DIAPH2: variants seen among roughly 807,000 people sequenced by gnomAD.
DIAPH2 encodes the protein diaphanous related formin 2, also known as protein diaphanous homolog 2.
A neutral mutation model predicts 92.7 loss-of-function variants in DIAPH2; 35 were observed. The observed-to-expected ratio is 0.38, with a 90% CI of 0.29 to 0.50. DIAPH2 has a LOEUF of 0.50. Ranked by LOEUF, DIAPH2 falls within the 20% of genes least tolerant of loss-of-function variation. DIAPH2 has a pLI of 0.94. For synonymous variants in DIAPH2, 301 were observed against 280.4 expected (o/e 1.07, Z -0.73); for missense variants, 701 against 819.5 (o/e 0.86, Z 1.77).
intron 10 of DIAPH2, among the ~76,000 whole-genome samples, chrX:96,936,496 T>A (rs1320549933): frequency 8.9e-6 from 1 of 111,769 alleles, no homozygotes. Flanking sequence ...TAAAAGATAT[T>A]CCAGGTGATA....
chrX:97,425,704 T>A (rs1419393770), intron 25 of DIAPH2, among the ~76,000 whole-genome samples: 3 of 107,846 alleles, frequency 2.8e-5, no homozygotes, highest in African/African-American at 1.0e-4. Context: ...TCGCTTGAAC[T>A]TGGGAGGTGG....
chrX:97,132,759 A>G (rs753366585), intron 21 of DIAPH2, among the ~76,000 whole-genome samples: 1 of 112,432 alleles, frequency 8.9e-6, no homozygotes, highest in South Asian at 3.7e-4. Context: ...GTTGAATTAT[A>G]TGACTGTACT....
chrX:97,193,275 G>A (rs771630406), intron 22 of DIAPH2, among the ~76,000 whole-genome samples: 183 of 110,677 alleles, frequency 1.7e-3, no homozygotes, highest in African/African-American at 6.0e-3. Context: ...CAGTCTCCCA[G>A]TATATTGGGA....
chrX:97,301,499 C>T (rs1312404050), intron 23 of DIAPH2, among the ~76,000 whole-genome samples: 1 of 111,627 alleles, frequency 9.0e-6, no homozygotes, highest in African/African-American at 3.3e-5. Context: ...TGATAATTTA[C>T]TTCCCACCTC....
intron 15 of DIAPH2, among the ~76,000 whole-genome samples, chrX:96,951,949 A>G (rs756178202): frequency 1.9e-4 from 21 of 111,892 alleles, no homozygotes; most frequent in African/African-American, 6.8e-4. Flanking sequence ...ACAAATGTAT[A>G]TTACTTTGAA....
intron 23 of DIAPH2, among the ~76,000 whole-genome samples, chrX:97,336,268 G>A (rs1294050007): frequency 5.5e-5 from 5 of 90,804 alleles, no homozygotes; most frequent in African/African-American, 8.5e-5. Context: ...TTTTTGAGAC[G>A]GAGTCTCGCT....
At chrX:96,749,262 ATG>A (rs1279513089) in intron 3 of DIAPH2, among the ~76,000 whole-genome samples, 1 of 109,299 alleles carries the variant, frequency 9.1e-6, no homozygotes, top group Non-Finnish European at 1.9e-5. Context: ...CACAGTAAAA[ATG>A]AGAAAAACAT....
chrX:97,096,290 T>C (rs1051568614), intron 19 of DIAPH2, among the ~76,000 whole-genome samples: 2 of 112,327 alleles, frequency 1.8e-5, no homozygotes, highest in Non-Finnish European at 3.8e-5. Flanking sequence ...ATTCAAAAGC[T>C]ATTTTAATTT....
chrX:97,585,495 GC>G (rs1297934851), intron 26 of DIAPH2, among the ~76,000 whole-genome samples: 2 of 109,480 alleles, frequency 1.8e-5, no homozygotes, highest in African/African-American at 6.7e-5. Context: ...TGAATTGGCT[GC>G]CCCTGAAGGA....
At chrX:96,884,388 TGAGA>T in intron 5 of DIAPH2, 1 of 1,210,244 alleles carries the variant, frequency 8.3e-7, no homozygotes, top group Non-Finnish European at 1.1e-6. Context: ...ACCAACTGTG[TGAGA>T]GAGATGCAAC....
intron 3 of DIAPH2, among the ~76,000 whole-genome samples, chrX:96,754,544 A>G (rs2064212671): frequency 9.0e-6 from 1 of 111,354 alleles, no homozygotes; most frequent in Non-Finnish European, 1.9e-5. Context: ...TTCATGTCCA[A>G]TCATTGAAGG....
At chrX:97,354,769 G>A (rs932384883) in intron 24 of DIAPH2, among the ~76,000 whole-genome samples, 10 of 112,716 alleles carry the variant, frequency 8.9e-5, no homozygotes, top group Non-Finnish European at 1.9e-4. Context: ...TGAATGGGCC[G>A]CAGTCACTTA....
At chrX:96,751,647 G>GTTGTTTTTTTTTTTTTT (rs2064189692) in intron 3 of DIAPH2, among the ~76,000 whole-genome samples, 2 of 85,049 alleles carry the variant, frequency 2.4e-5, no homozygotes, top group East Asian at 4.4e-4. Flanking sequence ...AGACTTCAGT[G>GTTGTTTTTTTTTTTTTT]TTTTGTTTTT....
At chrX:97,107,265 G>A (rs1044457127) in intron 20 of DIAPH2, among the ~76,000 whole-genome samples, 5 of 111,075 alleles carry the variant, frequency 4.5e-5, no homozygotes, top group African/African-American at 1.3e-4. Context: ...ACTGCACCCA[G>A]CCTACATCAT....
intron 22 of DIAPH2, among the ~76,000 whole-genome samples, chrX:97,154,290 A>T (rs1409578309): frequency 9.0e-6 from 1 of 111,693 alleles, no homozygotes; most frequent in African/African-American, 3.2e-5. Context: ...ATAAGAGCGA[A>T]TATTTTTTCT....
At chrX:96,840,818 T>C (rs973827723) in intron 4 of DIAPH2, among the ~76,000 whole-genome samples, 2 of 109,864 alleles carry the variant, frequency 1.8e-5, no homozygotes, top group South Asian at 7.9e-4. Context: ...TTTCGCTGTG[T>C]TAGCCAGGAT....
At chrX:97,359,254 A>G (rs2069298602) in intron 24 of DIAPH2, among the ~76,000 whole-genome samples, 1 of 111,731 alleles carries the variant, frequency 9.0e-6, no homozygotes, top group Admixed American at 9.6e-5. Flanking sequence ...AGTGTTTCTT[A>G]AGCACTTTGC....
chrX:97,173,901 C>T (rs2067472034), intron 22 of DIAPH2, among the ~76,000 whole-genome samples: 1 of 103,891 alleles, frequency 9.6e-6, no homozygotes, highest in South Asian at 4.3e-4. Context: ...GAATGAGACC[C>T]TATCTCAAAA....
chrX:97,481,261 A>G (rs915092462), intron 26 of DIAPH2, among the ~76,000 whole-genome samples: 2 of 112,019 alleles, frequency 1.8e-5, no homozygotes, highest in Admixed American at 1.9e-4. Context: ...CTTCATTCAG[A>G]GGGACTACTA....
Sources: gnomAD v4.1 joint callset for allele counts (sites outside exome capture counted in the v4.1 genomes callset) on GRCh38, gnomAD v4.1.1 for gene constraint, MANE v1.5 for transcripts, NCBI Gene and HGNC (gene_info 2026-07-23, HGNC 2026-07-21) for gene names.